MGLL: variants seen among roughly 807,000 people sequenced by gnomAD.
MGLL encodes lysophospholipase homolog.
A neutral mutation model predicts 29.1 loss-of-function variants in MGLL; 7 were observed. The observed-to-expected ratio is 0.24, with a 90% CI of 0.14 to 0.45. MGLL has a LOEUF of 0.45. MGLL is among the 20% of genes least tolerant of loss of function. MGLL has a pLI of 0.99. For missense variants in MGLL, 356 were observed against 413.6 expected (o/e 0.86, Z 1.21); for synonymous variants, 148 against 168.3 (o/e 0.88, Z 0.93).
intron 3 of MGLL, chr3:127,735,560 T>G: frequency 1.2e-6 from 1 of 861,436 alleles, no homozygotes; most frequent in Admixed American, 2.4e-5. Flanking sequence ...ATATACATAT[T>G]TTTAGAGACT....
intron 6 of MGLL, among the ~76,000 whole-genome samples, chr3:127,704,272 T>C (rs2075556503): frequency 6.6e-6 from 1 of 151,898 alleles, no homozygotes; most frequent in African/African-American, 2.4e-5. Context: ...AACTATAAAA[T>C]CCCTAGAAGA....
intron 6 of MGLL, among the ~76,000 whole-genome samples, chr3:127,700,109 C>G (rs2075449931): frequency 6.6e-6 from 1 of 152,196 alleles, no homozygotes; most frequent in South Asian, 2.1e-4. Context: ...CTTAATCCAT[C>G]CATTTCCAAT....
intron 3 of MGLL, among the ~76,000 whole-genome samples, chr3:127,766,151 C>A (rs543815764): frequency 6.6e-6 from 1 of 152,170 alleles, no homozygotes; most frequent in East Asian, 1.9e-4. Context: ...GTAGTCTGGG[C>A]CCTCTCTCCC....
At chr3:127,739,971 C>T (rs1033513171) in intron 3 of MGLL, among the ~76,000 whole-genome samples, 29 of 152,136 alleles carry the variant, frequency 1.9e-4, no homozygotes, top group African/African-American at 7.0e-4. Flanking sequence ...ACACACACAG[C>T]GAGTCCCCTT....
At chr3:127,774,644 A>G (rs906780062) in intron 3 of MGLL, among the ~76,000 whole-genome samples, 3 of 152,208 alleles carry the variant, frequency 2.0e-5, no homozygotes, top group Admixed American at 6.5e-5. Flanking sequence ...GCTGGCAGGT[A>G]CTTCGTGTCT....
intron 3 of MGLL, among the ~76,000 whole-genome samples, chr3:127,745,292 C>T (rs754170286): frequency 1.4e-4 from 22 of 152,176 alleles, no homozygotes; most frequent in Non-Finnish European, 2.2e-4. Flanking sequence ...TTGCAGGGAT[C>T]GACTTGAGTG....
chr3:127,720,584 TC>T (rs1341614695), intron 5 of MGLL, among the ~76,000 whole-genome samples: 5 of 151,990 alleles, frequency 3.3e-5, no homozygotes, highest in Non-Finnish European at 5.9e-5. Flanking sequence ...AAATCACGGA[TC>T]CCTAACAGTC....
intron 3 of MGLL, among the ~76,000 whole-genome samples, chr3:127,775,930 T>C (rs573675931): frequency 1.3e-5 from 2 of 152,348 alleles, no homozygotes; most frequent in African/African-American, 4.8e-5. Flanking sequence ...CTGGCCCTTC[T>C]GCCTGCATGG....
intron 3 of MGLL, among the ~76,000 whole-genome samples, chr3:127,751,805 C>T (rs112347894): frequency 0.022 from 3,380 of 152,230 alleles, 139 homozygotes; most frequent in African/African-American, 0.076. Context: ...AACTGTCCCT[C>T]AGAGAATTTC....
At chr3:127,751,737 G>A (rs1042350930) in intron 3 of MGLL, among the ~76,000 whole-genome samples, 7 of 151,428 alleles carry the variant, frequency 4.6e-5, no homozygotes, top group Non-Finnish European at 8.8e-5. Context: ...AGATGTACCT[G>A]GGCAAAAAAA....
rs755305690 is a variant in MGLL at position 127,753,088 on chromosome 3, C to T, written c.262+28701G>A. ...CAGAAGGCTGTAAGAGGAATCATTA[C>T]AAAAATGAGAGACACAATAGTCAAA... is the stretch of plus-strand genomic sequence containing the variant. On this transcript the variant is annotated intron_variant, in intron 3 of 7. Transcript: ENST00000265052. Among the ~76,000 whole-genome samples the T allele has an allele frequency of 3.3e-5, 5 of 151,958 alleles. No homozygotes were observed. In the East Asian group the frequency reaches 7.7e-4, roughly 23 times the overall value.
At chr3:127,746,192 G>A (rs186249265) in intron 3 of MGLL, among the ~76,000 whole-genome samples, 17 of 152,254 alleles carry the variant, frequency 1.1e-4, no homozygotes, top group Admixed American at 9.8e-4. Context: ...GAATGAGCAC[G>A]TCCTCCTGAC....
At chr3:127,724,709 G>A (rs1559924945) in intron 3 of MGLL, among the ~76,000 whole-genome samples, 1 of 152,222 alleles carries the variant, frequency 6.6e-6, no homozygotes, top group East Asian at 1.9e-4. Flanking sequence ...AGGGCTGGCT[G>A]CACACAAACG....
At position 127,691,980 on chromosome 3, in the gene MGLL, T is replaced by C. The variant is rs750146710; in HGVS notation, c.*218A>G. ...GAAAATCACCTGGGACCTTTCTCTT[T>C]TTTTGCATAAAGTGTCTAACCATTA... On this transcript the variant is annotated 3_prime_UTR_variant, in exon 8 of 8. Transcript: ENST00000265052. 8.0e-6 allele frequency: 5 copies of C among 623,292 alleles called. No individual in the cohort carries two copies. The highest frequency in any genetic ancestry group is 1.8e-5 in the African/African-American group (1 of 54,386). The allele number at this position is 623,292 out of a possible 1,614,324, so 38.6% of individuals were successfully genotyped here. A position where few individuals can be genotyped will look rare whatever the true frequency, so the allele number is the denominator to read the frequency against.
At chr3:127,741,499 G>A (rs1002872543) in intron 3 of MGLL, among the ~76,000 whole-genome samples, 18 of 152,234 alleles carry the variant, frequency 1.2e-4, no homozygotes, top group Admixed American at 2.0e-4. Flanking sequence ...TTGTCAGCAC[G>A]AGGCCCATGC....
intron 3 of MGLL, among the ~76,000 whole-genome samples, chr3:127,776,650 C>G (rs2077042067): frequency 6.6e-6 from 1 of 152,216 alleles, no homozygotes; most frequent in South Asian, 2.1e-4. Context: ...GGCTCTCCAC[C>G]TGCTTGGTCA....
At chr3:127,798,661 G>T (rs989774278) in intron 2 of MGLL, among the ~76,000 whole-genome samples, 1 of 152,070 alleles carries the variant, frequency 6.6e-6, no homozygotes, top group Non-Finnish European at 1.5e-5. Context: ...ACTCAAATCT[G>T]TGCTCACACA....
intron 3 of MGLL, among the ~76,000 whole-genome samples, chr3:127,746,230 A>G (rs971610478): frequency 2.0e-5 from 3 of 152,138 alleles, no homozygotes; most frequent in South Asian, 4.2e-4. Context: ...ACAAGCCCCA[A>G]ACATGCGGCC....
At chr3:127,780,009 C>T (rs2077096012) in intron 3 of MGLL, among the ~76,000 whole-genome samples, 1 of 152,180 alleles carries the variant, frequency 6.6e-6, no homozygotes. Flanking sequence ...ATGAGTCATT[C>T]AAAGAGCTTG....
Sources: gnomAD v4.1 joint callset for allele counts (sites outside exome capture counted in the v4.1 genomes callset) on GRCh38, gnomAD v4.1.1 for gene constraint, MANE v1.5 for transcripts, NCBI Gene and HGNC (gene_info 2026-07-23, HGNC 2026-07-21) for gene names.